Variants in TRAPPC13 observed in about 807,000 individuals in gnomAD.
TRAPPC13 encodes trafficking protein particle complex subunit 13.
TRAPPC13 carries 39 observed loss-of-function variants against 54.0 expected under a neutral mutation model. The observed-to-expected ratio is 0.72, with a 90% CI of 0.56 to 0.94. The LOEUF (loss-of-function observed/expected upper bound fraction) is 0.94. Ranked by LOEUF, TRAPPC13 falls within the 40% of genes least tolerant of loss-of-function variation. TRAPPC13 has a pLI of 0.00. For synonymous variants in TRAPPC13, 148 were observed against 167.7 expected, an observed-to-expected ratio of 0.88 and a Z score of 0.91; for missense variants, 386 against 488.1, an observed-to-expected ratio of 0.79 and a Z score of 1.97.
At chr5:65,661,979 C>T in intron 10 of TRAPPC13, 71 bp from the exon 11 acceptor site, 1 of 1,070,502 alleles carries the variant, frequency 9.3e-7, no homozygotes, top group East Asian at 2.7e-5. Flanking sequence ...AAATGTGCTG[C>T]TGTGGTGCCT....
intron 4 of TRAPPC13, among the ~76,000 whole-genome samples, 161 bp from the exon 5 acceptor site, chr5:65,646,894 A>G (rs1756231658): frequency 1.3e-5 from 2 of 152,066 alleles, no homozygotes; most frequent in African/African-American, 4.8e-5. Context: ...GGTTCTAAGC[A>G]TCAGAGCTAT....
chr5:65,654,323 C>T (rs760194834), intron 7 of TRAPPC13, among the ~76,000 whole-genome samples: 4 of 152,028 alleles, frequency 2.6e-5, no homozygotes, highest in East Asian at 1.9e-4. Flanking sequence ...TTTATAATCA[C>T]GACAATTTTG....
chr5:65,625,217 CTGCTCT>C, intron 1 of TRAPPC13, 111 bp downstream of exon 1: 2 of 919,466 alleles, frequency 2.2e-6, no homozygotes, highest in Non-Finnish European at 3.5e-6. Context: ...GCTCGCCCTC[CTGCTCT>C]GTCCTTTGCC....
intron 1 of TRAPPC13, chr5:65,630,630 T>TA: frequency 9.6e-7 from 1 of 1,038,418 alleles, no homozygotes; most frequent in South Asian, 4.3e-5. Context: ...GGTTAATCTC[T>TA]AAAATCTAAT....
chr5:65,641,557 A>G (rs746096863), intron 4 of TRAPPC13, among the ~76,000 whole-genome samples: 1 of 152,058 alleles, frequency 6.6e-6, no homozygotes, highest in South Asian at 2.1e-4. Context: ...AAAGAAATTT[A>G]AAAATTCTCT....
At chr5:65,635,603 C>T (rs1755717313) in intron 2 of TRAPPC13, among the ~76,000 whole-genome samples, 1 of 152,134 alleles carries the variant, frequency 6.6e-6, no homozygotes. Context: ...GTTTAAGATA[C>T]ATTCATATTC....
chr5:65,637,734 G>A lies in TRAPPC13; in HGVS notation c.254G>A (p.Ser85Asn), dbSNP rs1183509608. ...FLGETFSSYI[S>N]VHNDSNQVVK... is the part of the protein sequence containing the mutation. ...GGAGAGACCTTTTCCAGTTATATCA[G>A]CGTTCATAATGATAGCAATCAAGTT... is the stretch of plus-strand genomic sequence containing the variant. Residue 85 changes from serine (S) to asparagine (N), a missense_variant, in exon 4 of 13, where the codon AGC becomes AAC. Ser to Asn is a conservative substitution (Grantham distance 46, BLOSUM62 1). Coordinates refer to ENST00000399438, the MANE Select transcript of TRAPPC13 (RefSeq NM_024941.4). 15 of 1,575,668 alleles carry A rather than the reference G, an allele frequency of 9.5e-6. No homozygotes were observed. The Admixed American group carries it at 2.4e-4, about 25-fold the overall frequency.
intron 4 of TRAPPC13, among the ~76,000 whole-genome samples, chr5:65,639,318 C>CT (rs1482291303): frequency 6.6e-6 from 1 of 151,660 alleles, no homozygotes; most frequent in Non-Finnish European, 1.5e-5. Flanking sequence ...TTTATTTAAC[C>CT]TTTTTTGAAA....
At chr5:65,650,157 C>CTTTTTT (rs34093188) in intron 5 of TRAPPC13, among the ~76,000 whole-genome samples, 2 of 78,118 alleles carry the variant, frequency 2.6e-5, no homozygotes, top group African/African-American at 5.2e-5. Flanking sequence ...CACACCTGGC[C>CTTTTTT]TTTTTTTTTT....
Position 65,660,692 on chromosome 5 carries a change from C to A in TRAPPC13, c.699-7C>A, listed in dbSNP as rs756363411. 6.3e-7 allele frequency: 1 copy of A among 1,584,304 alleles called. No individual in the cohort carries two copies. The highest frequency in any genetic ancestry group is 8.6e-7 in the Non-Finnish European group (1 of 1,166,536). On this transcript the variant is annotated splice_polypyrimidine_tract_variant and splice_region_variant and intron_variant, in intron 9 of 12. Coordinates refer to ENST00000399438, the MANE Select transcript of TRAPPC13 (RefSeq NM_024941.4). The stretch of plus-strand genomic sequence containing the variant: ...ATTTTCTCCGTCTCTGTCTCCACCC[C>A]TCTCAGTGTGTCTACGTTTGGGTCA...
rs574862160 is a variant in TRAPPC13, at chr5:65,642,395, A to G, written c.300+4615A>G. 1.3e-4 allele frequency among the ~76,000 whole-genome samples: 19 copies of G among 151,842 alleles called. No homozygotes were observed. In the South Asian group the frequency reaches 4.0e-3, roughly 32 times the overall value. On this transcript the variant is annotated intron_variant, in intron 4 of 12. Transcript: ENST00000399438. ...CTTAGGTTTGGTTTTTTTCTTGATT[A>G]AGTTAGCTAGCTCTTGGTTTGTGTA...
intron 1 of TRAPPC13, chr5:65,625,956 C>T (rs1755206119): frequency 6.6e-6 from 1 of 152,160 alleles, no homozygotes; most frequent in African/African-American, 2.4e-5. Context: ...CCTTATCCTT[C>T]CCATTATGAT....
At chr5:65,661,861 G>C (rs1010640008) in intron 10 of TRAPPC13, 189 bp from the exon 11 acceptor site, 1 of 480,468 alleles carries the variant, frequency 2.1e-6, no homozygotes, top group Non-Finnish European at 3.7e-6. Context: ...GGTCTGCCAG[G>C]CTATTCCACA....
At chr5:65,652,410 ATGAC>A (rs1756498864) in intron 6 of TRAPPC13, 87 bp from the exon 7 acceptor site, 9 of 852,414 alleles carry the variant, frequency 1.1e-5, no homozygotes, top group Non-Finnish European at 1.7e-5. Context: ...AAATTGGAAA[ATGAC>A]TGACAAACTT....
chr5:65,651,842 GTTTTTTTTTTTTTTTT>G (rs762929434), intron 6 of TRAPPC13, among the ~76,000 whole-genome samples: 35 of 41,158 alleles, frequency 8.5e-4, no homozygotes, highest in African/African-American at 2.8e-3. Context: ...ACGTGATTCA[GTTTTTTTTTTTTTTTT>G]TTTTTTTTTT....
chr5:65,629,217 T>C (rs762506904), intron 1 of TRAPPC13, among the ~76,000 whole-genome samples: 13 of 152,222 alleles, frequency 8.5e-5, no homozygotes, highest in Admixed American at 6.5e-5. Flanking sequence ...TTTATATCTA[T>C]TGAGTTAAAC....
chr5:65,640,521 C>A (rs995270056), intron 4 of TRAPPC13, among the ~76,000 whole-genome samples: 1 of 152,190 alleles, frequency 6.6e-6, no homozygotes, highest in African/African-American at 2.4e-5. Flanking sequence ...GATTGTATGG[C>A]CTCTAAAATC....
chr5:65,643,771 C>T (rs924832736), intron 4 of TRAPPC13, among the ~76,000 whole-genome samples: 3 of 143,462 alleles, frequency 2.1e-5, no homozygotes, highest in African/African-American at 7.8e-5. Flanking sequence ...GAGCCGAGAT[C>T]GTGCCACTGC....
chr5:65,625,713 CT>C (rs911012959), intron 1 of TRAPPC13, among the ~76,000 whole-genome samples: 33 of 147,610 alleles, frequency 2.2e-4, no homozygotes, highest in Non-Finnish European at 3.2e-4. Flanking sequence ...AACAGCAGCA[CT>C]TTTTTTTTTA....
Sources: allele counts gnomAD v4.1 joint callset (sites outside exome capture counted in the v4.1 genomes callset), GRCh38; gene constraint gnomAD v4.1.1; transcripts MANE v1.5; gene names NCBI Gene and HGNC (gene_info 2026-07-23, HGNC 2026-07-21).